FHOD3: variants seen among roughly 807,000 people sequenced by gnomAD.
The protein encoded by FHOD3 is FH1/FH2 domain-containing protein 3.
Under a neutral mutation model 173.0 loss-of-function variants are expected in FHOD3, and 90 were observed. The ratio of observed to expected loss-of-function variants is 0.52; its 90% CI spans 0.44 to 0.62. The LOEUF (loss-of-function observed/expected upper bound fraction) is 0.62, where lower values mean the gene tolerates loss of function less well. Ranked by LOEUF, FHOD3 falls within the 20% of genes least tolerant of loss-of-function variation. The pLI, the probability that FHOD3 is intolerant of heterozygous loss-of-function variation, is 0.00. For missense variants in FHOD3, 1,945 were observed against 2,034.7 expected (o/e 0.96, Z 0.85); for synonymous variants, 828 against 823.0 (o/e 1.01, Z -0.10).
intron 10 of FHOD3, among the ~76,000 whole-genome samples, chr18:36,632,826 G>A (rs571051963): frequency 6.6e-6 from 1 of 152,326 alleles, no homozygotes; most frequent in South Asian, 2.1e-4. Context: ...GAAAGAATTT[G>A]TCTGAGGGGC....
chr18:36,576,665 T>A, intron 6 of FHOD3, 120 bp downstream of exon 6: 1 of 660,490 alleles, frequency 1.5e-6, no homozygotes, highest in Middle Eastern at 2.5e-4. Flanking sequence ...CGTTACAGTA[T>A]AAATGAGGAT....
In FHOD3 at chr18:36,754,871, G is replaced by A. The variant is rs562299365; in HGVS notation, c.4233-248G>A. ...ATATAATCTCCATCAGTGGGAAAGT[G>A]AGTTGAACTTCTGTTTGCATTTTCA... On this transcript the variant is annotated intron_variant, in intron 24 of 28. Transcript: ENST00000590592. 3.3e-5 allele frequency among the ~76,000 whole-genome samples: 5 copies of A among 151,794 alleles called. No individual in the cohort carries two copies. In the East Asian group the frequency reaches 9.7e-4, roughly 29 times the overall value.
At chr18:36,470,074 A>G (rs1218457864) in intron 3 of FHOD3, among the ~76,000 whole-genome samples, 1 of 152,148 alleles carries the variant, frequency 6.6e-6, no homozygotes, top group African/African-American at 2.4e-5. Context: ...GGAATTCCAG[A>G]TGGTAGGAGA....
At chr18:36,729,983 C>G (rs144484168) in intron 19 of FHOD3, among the ~76,000 whole-genome samples, 3 of 152,176 alleles carry the variant, frequency 2.0e-5, no homozygotes. Flanking sequence ...TAAGCTGGTT[C>G]GTCCCCTATT....
intron 3 of FHOD3, among the ~76,000 whole-genome samples, chr18:36,381,400 G>T (rs1487939211): frequency 6.6e-6 from 1 of 152,208 alleles, no homozygotes; most frequent in African/African-American, 2.4e-5. Flanking sequence ...CTTCCACTCT[G>T]ATCACTTGGA....
intron 10 of FHOD3, among the ~76,000 whole-genome samples, chr18:36,648,006 GA>G (rs143281017): frequency 0.022 from 3,300 of 152,266 alleles, 118 homozygotes; most frequent in African/African-American, 0.075. Flanking sequence ...GGTTAAAAAG[GA>G]AAAAACAGCT....
At chr18:36,549,473 T>C (rs747884883) in intron 5 of FHOD3, among the ~76,000 whole-genome samples, 17 of 151,580 alleles carry the variant, frequency 1.1e-4, no homozygotes, top group Non-Finnish European at 2.4e-4. Flanking sequence ...TTTGAAGAAA[T>C]TCAGTTTATA....
At position 36,354,052 on chromosome 18, in the gene FHOD3, A is replaced by G. The variant is rs891824491; in HGVS notation, c.166-1487A>G. Among the ~76,000 whole-genome samples, 18 of 152,224 alleles carry G rather than the reference A, an allele frequency of 1.2e-4. No individual in the cohort carries two copies. The South Asian group carries it at 1.2e-3, about 11-fold the overall frequency. On this transcript the variant is annotated intron_variant, in intron 1 of 28. Transcript: ENST00000590592. ...ACTTTCACCCACATTCTGCTGATCA[A>G]TACTCAGTTATGCAGCCAGAGCCCA...
chr18:36,655,485 G>A (rs759602059), intron 13 of FHOD3, among the ~76,000 whole-genome samples: 25 of 152,030 alleles, frequency 1.6e-4, no homozygotes, highest in Non-Finnish European at 3.1e-4. Flanking sequence ...CGTAAGTTGT[G>A]GGGGAAAAAA....
chr18:36,577,806 A>G (rs973467536), intron 6 of FHOD3, among the ~76,000 whole-genome samples: 2 of 152,214 alleles, frequency 1.3e-5, no homozygotes, highest in African/African-American at 2.4e-5. Flanking sequence ...CCAAGGAAGC[A>G]GATCTATTCC....
intron 23 of FHOD3, 40 bp from the exon 24 acceptor site, chr18:36,746,905 G>A: frequency 1.3e-6 from 2 of 1,505,766 alleles, no homozygotes; most frequent in Non-Finnish European, 1.8e-6. Flanking sequence ...CTGGTGTCCG[G>A]CGGTTTCAGT....
chr18:36,736,684 T>C (rs573231375), intron 20 of FHOD3, among the ~76,000 whole-genome samples: 2 of 152,122 alleles, frequency 1.3e-5, no homozygotes, highest in Non-Finnish European at 2.9e-5. Flanking sequence ...CTTCTCCCCT[T>C]CTCTGCTCTC....
intron 24 of FHOD3, among the ~76,000 whole-genome samples, chr18:36,750,722 C>G (rs888658528): frequency 6.6e-6 from 1 of 152,224 alleles, no homozygotes; most frequent in Admixed American, 6.5e-5. Context: ...GTTATCCCAG[C>G]ACCATTTATT....
chr18:36,737,317 G>A (rs2041685178), intron 20 of FHOD3, among the ~76,000 whole-genome samples: 1 of 152,190 alleles, frequency 6.6e-6, no homozygotes, highest in Non-Finnish European at 1.5e-5. Flanking sequence ...TTGGAATTTT[G>A]GTCATGCCAG....
At chr18:36,355,469 GAT>G (rs1447265691) in intron 1 of FHOD3, 68 bp from the exon 2 acceptor site, 12 of 1,255,466 alleles carry the variant, frequency 9.6e-6, no homozygotes, top group Non-Finnish European at 1.4e-5. Context: ...AGGGCAACAT[GAT>G]GTGATTTCTC....
At chr18:36,689,490 C>T (rs1426902952) in intron 16 of FHOD3, among the ~76,000 whole-genome samples, 1 of 152,206 alleles carries the variant, frequency 6.6e-6, no homozygotes, top group African/African-American at 2.4e-5. Context: ...TATCATCTCA[C>T]TCCATAATTT....
intron 28 of FHOD3, among the ~76,000 whole-genome samples, chr18:36,775,277 C>G (rs1371001056): frequency 2.6e-5 from 4 of 152,196 alleles, no homozygotes; most frequent in Non-Finnish European, 2.9e-5. Context: ...CCCGAAATAA[C>G]ATCTCTCAGT....
At chr18:36,449,135 G>A (rs996317167) in intron 3 of FHOD3, among the ~76,000 whole-genome samples, 1 of 152,070 alleles carries the variant, frequency 6.6e-6, no homozygotes, top group Non-Finnish European at 1.5e-5. Flanking sequence ...AGGTTGCACA[G>A]CAAGGACAGG....
intron 3 of FHOD3, among the ~76,000 whole-genome samples, chr18:36,494,533 G>GA (rs1174510395): frequency 1.3e-5 from 2 of 152,242 alleles, no homozygotes; most frequent in Admixed American, 6.5e-5. Context: ...AGCGGTGGGA[G>GA]AAAAAATGCA....
Sources: gnomAD v4.1 joint callset for allele counts (sites outside exome capture counted in the v4.1 genomes callset) on GRCh38, gnomAD v4.1.1 for gene constraint, MANE v1.5 for transcripts, NCBI Gene and HGNC (gene_info 2026-07-23, HGNC 2026-07-21) for gene names.